The following LAMA2 variants were observed in gnomAD, a reference collection of about 807,000 sequenced individuals.
The protein encoded by LAMA2 is laminin subunit alpha 2.
LAMA2 carries 269 observed loss-of-function variants against 364.8 expected under a neutral mutation model. The ratio of observed to expected loss-of-function variants is 0.74; its 90% CI spans 0.67 to 0.82. LAMA2 has a LOEUF of 0.82. Ranked by LOEUF, LAMA2 falls within the 40% of genes least tolerant of loss-of-function variation. The pLI is 0.00. For missense variants in LAMA2, 3,807 were observed against 3,873.2 expected (o/e 0.98, Z 0.45); for synonymous variants, 1,379 against 1,370.6 (o/e 1.01, Z -0.14).
chr6:129,516,412 A>ATATT lies in LAMA2; in HGVS notation c.*67_*70dup. The ATATT allele has an allele frequency of 2.0e-6, 3 of 1,466,206 alleles. No homozygotes were observed. The highest frequency in any genetic ancestry group is 1.9e-5 in the Admixed American group (1 of 53,686). 90.8% of individuals were successfully genotyped at this position (1,466,206 alleles called of 1,614,324 possible). A position where few individuals can be genotyped will look rare whatever the true frequency, so the allele number is the denominator to read the frequency against. ...AGTATATCAAGTAAAACAAACAAATATATTTTACCTATATATGTTAATTAA... is the reference window on the plus strand; with the variant it reads ...AGTATATCAAGTAAAACAAACAAATATATTTATTTTACCTATATATGTTAATTAA... On this transcript the variant is annotated 3_prime_UTR_variant, in exon 65 of 65. Transcript: ENST00000421865.
intron 4 of LAMA2, among the ~76,000 whole-genome samples, chr6:129,099,172 GT>G (rs1263752552): frequency 7.4e-6 from 1 of 135,768 alleles, no homozygotes; most frequent in Admixed American, 8.2e-5. Flanking sequence ...TCTTGATCCA[GT>G]TACTTAAATT....
intron 1 of LAMA2, among the ~76,000 whole-genome samples, chr6:129,009,171 T>C (rs1159793935): frequency 6.6e-6 from 1 of 152,194 alleles, no homozygotes; most frequent in African/African-American, 2.4e-5. Flanking sequence ...ACTATTTGAC[T>C]CTTTAGTCAA....
At chr6:128,892,958 A>C (rs948646370) in intron 1 of LAMA2, among the ~76,000 whole-genome samples, 6 of 151,984 alleles carry the variant, frequency 3.9e-5, no homozygotes, top group African/African-American at 1.4e-4. Context: ...GGATTTTGAA[A>C]ATATTTCAGA....
intron 1 of LAMA2, among the ~76,000 whole-genome samples, chr6:128,892,265 A>T (rs559502936): frequency 7.2e-5 from 11 of 152,130 alleles, no homozygotes; most frequent in Non-Finnish European, 1.0e-4. Context: ...GCAAGTCAGT[A>T]ACAGAGATAA....
intron 1 of LAMA2, among the ~76,000 whole-genome samples, chr6:128,893,252 C>T (rs1776569847): frequency 6.6e-6 from 1 of 151,786 alleles, no homozygotes; most frequent in South Asian, 2.1e-4. Flanking sequence ...TAAGGCAGAC[C>T]ATACAAATAC....
intron 1 of LAMA2, among the ~76,000 whole-genome samples, chr6:129,033,184 G>A (rs999042374): frequency 1.9e-4 from 28 of 150,994 alleles, no homozygotes; most frequent in African/African-American, 6.8e-4. Flanking sequence ...AATGATCCAG[G>A]ATTAAGCCCT....
intron 3 of LAMA2, among the ~76,000 whole-genome samples, chr6:129,093,068 G>A (rs937611982): frequency 1.1e-4 from 16 of 149,486 alleles, no homozygotes; most frequent in African/African-American, 3.7e-4. Context: ...TGCAACCTCC[G>A]CCTTCCGATT....
chr6:129,497,943 A>C (rs1785320703), intron 58 of LAMA2, among the ~76,000 whole-genome samples: 1 of 152,126 alleles, frequency 6.6e-6, no homozygotes, highest in African/African-American at 2.4e-5. Flanking sequence ...AAACATTTCT[A>C]CATGTTCTAT....
intron 3 of LAMA2, among the ~76,000 whole-genome samples, chr6:129,091,547 A>G (rs574063104): frequency 5.9e-5 from 9 of 152,332 alleles, no homozygotes; most frequent in African/African-American, 2.2e-4. Flanking sequence ...TTAGCAATTA[A>G]TTGCAGTACA....
At chr6:129,440,088 A>G (rs1296225720) in intron 42 of LAMA2, among the ~76,000 whole-genome samples, 4 of 152,090 alleles carry the variant, frequency 2.6e-5, no homozygotes, top group African/African-American at 4.8e-5. Context: ...ACTGAAGGCC[A>G]TTGTTAAAAG....
intron 1 of LAMA2, among the ~76,000 whole-genome samples, chr6:128,944,530 C>T (rs1780372749): frequency 6.6e-6 from 1 of 151,918 alleles, no homozygotes; most frequent in Non-Finnish European, 1.5e-5. Context: ...TGCAGTGGCT[C>T]ACGCCTGTAA....
intron 40 of LAMA2, among the ~76,000 whole-genome samples, chr6:129,405,935 A>G (rs186977061): frequency 4.6e-5 from 7 of 152,246 alleles, no homozygotes; most frequent in Admixed American, 2.0e-4. Context: ...GTCTAGCCCT[A>G]TAAAGAAGGA....
chr6:129,161,862 A>G (rs1424390599), intron 8 of LAMA2, among the ~76,000 whole-genome samples: 1 of 152,168 alleles, frequency 6.6e-6, no homozygotes, highest in African/African-American at 2.4e-5. Context: ...GTAGTATTCC[A>G]TGGTGTATAT....
intron 12 of LAMA2, among the ~76,000 whole-genome samples, chr6:129,246,095 AT>A (rs11310961): frequency 0.056 from 8,587 of 152,150 alleles, 791 homozygotes; most frequent in African/African-American, 0.19. Flanking sequence ...GAAAATAATA[AT>A]TTTTTTCATA....
At chr6:129,324,019 T>C (rs975216597) in intron 28 of LAMA2, among the ~76,000 whole-genome samples, 1 of 152,164 alleles carries the variant, frequency 6.6e-6, no homozygotes. Context: ...AATGTGAAAA[T>C]AGTCTTAGCT....
intron 1 of LAMA2, among the ~76,000 whole-genome samples, chr6:128,997,686 TC>T (rs1368090157): frequency 6.6e-6 from 1 of 151,936 alleles, no homozygotes; most frequent in Admixed American, 6.6e-5. Flanking sequence ...TCCCAGCTAC[TC>T]GGGAGGCTGA....
chr6:129,365,018 C>T (rs1383410798), intron 32 of LAMA2, among the ~76,000 whole-genome samples: 1 of 152,146 alleles, frequency 6.6e-6, no homozygotes, highest in Non-Finnish European at 1.5e-5. Flanking sequence ...GGTGCTAAGC[C>T]ATTAAAACCA....
chr6:129,157,829 G>A lies in LAMA2; in HGVS notation c.1206+3146G>A, dbSNP rs1185727975. 8 of 1,613,740 alleles carry A rather than the reference G, an allele frequency of 5.0e-6. No homozygotes were observed. In the African/African-American group the frequency reaches 8.0e-5, roughly 16 times the overall value. On this transcript the variant is annotated intron_variant, in intron 8 of 64. Coordinates refer to ENST00000421865, the MANE Select transcript of LAMA2 (RefSeq NM_000426.4). ...TCTCCCAAATGATTAGGCCGAAGCT[G>A]TAGATATCAGCCATGATGTAGGGCT...
chr6:128,974,246 G>A (rs1782380358), intron 1 of LAMA2, among the ~76,000 whole-genome samples: 1 of 152,288 alleles, frequency 6.6e-6, no homozygotes, highest in Non-Finnish European at 1.5e-5. Context: ...GACAAAAAGT[G>A]TCCTTGCATC....
Sources: gnomAD v4.1 joint callset for allele counts (sites outside exome capture counted in the v4.1 genomes callset) on GRCh38, gnomAD v4.1.1 for gene constraint, MANE v1.5 for transcripts, NCBI Gene and HGNC (gene_info 2026-07-23, HGNC 2026-07-21) for gene names.